NEDD4L: variants seen among roughly 807,000 people sequenced by gnomAD.
NEDD4L encodes the protein NEDD4 like E3 ubiquitin protein ligase.
Under a neutral mutation model 148.9 loss-of-function variants are expected in NEDD4L, and 54 were observed. The ratio of observed to expected loss-of-function variants is 0.36; its 90% confidence interval spans 0.29 to 0.45. The LOEUF (loss-of-function observed/expected upper bound fraction) is 0.45, where lower values mean the gene tolerates loss of function less well. Ranked by LOEUF, NEDD4L falls within the 20% of genes least tolerant of loss-of-function variation. NEDD4L has a pLI of 1.00. For synonymous variants in NEDD4L, 433 were observed against 440.7 expected (o/e 0.98, Z 0.22); for missense variants, 856 against 1,233.8 (o/e 0.69, Z 4.59).
chr18:58,184,318 C>A (rs11659445), intron 2 of NEDD4L, among the ~76,000 whole-genome samples: 199 of 150,726 alleles, frequency 1.3e-3, no homozygotes, highest in Non-Finnish European at 2.4e-3. Context: ...ACCCTCCTCT[C>A]CTGCTCTTGG....
At chr18:58,341,319 AT>A in intron 14 of NEDD4L, 150 bp downstream of exon 14, 1 of 891,452 alleles carries the variant, frequency 1.1e-6, no homozygotes, top group South Asian at 1.8e-5. Context: ...TTTAAATACA[AT>A]AATAGCCTAA....
intron 5 of NEDD4L, among the ~76,000 whole-genome samples, chr18:58,294,681 C>CTT (rs11399897): frequency 2.7e-5 from 4 of 147,178 alleles, no homozygotes; most frequent in African/African-American, 9.9e-5. Context: ...CTGTTTTTGT[C>CTT]TTTTTTTTTT....
intron 16 of NEDD4L, among the ~76,000 whole-genome samples, chr18:58,346,010 C>T (rs114811882): frequency 0.018 from 2,739 of 151,474 alleles, 88 homozygotes; most frequent in African/African-American, 0.062. Context: ...CCTGCCGCTT[C>T]GGCCTCCCAA....
At chr18:58,100,193 G>A (rs2084671015) in intron 1 of NEDD4L, among the ~76,000 whole-genome samples, 1 of 152,098 alleles carries the variant, frequency 6.6e-6, no homozygotes, top group African/African-American at 2.4e-5. Flanking sequence ...GAGTGGGGAG[G>A]AGCACTTGTC....
chr18:58,126,369 C>T (rs1406123432), intron 1 of NEDD4L, among the ~76,000 whole-genome samples: 1 of 152,222 alleles, frequency 6.6e-6, no homozygotes, highest in Non-Finnish European at 1.5e-5. Flanking sequence ...GAATATTTTG[C>T]ATAAACGGAA....
chr18:58,322,549 G>A, intron 7 of NEDD4L, 63 bp downstream of exon 7: 2 of 978,290 alleles, frequency 2.0e-6, no homozygotes, highest in East Asian at 4.0e-5. Context: ...TATAGGTGGG[G>A]ATGCCTGCCC....
chr18:58,117,402 T>C (rs1311256930), intron 1 of NEDD4L, among the ~76,000 whole-genome samples: 1 of 152,236 alleles, frequency 6.6e-6, no homozygotes, highest in Non-Finnish European at 1.5e-5. Context: ...CTTCTGTGTG[T>C]TAATCTTTAT....
At chr18:58,313,297 T>G (rs2057907980) in intron 5 of NEDD4L, among the ~76,000 whole-genome samples, 3 of 152,242 alleles carry the variant, frequency 2.0e-5, no homozygotes, top group Admixed American at 1.3e-4. Flanking sequence ...GAAAACGTGA[T>G]AAAAGGTATA....
chr18:58,317,028 T>C lies in NEDD4L; in HGVS notation c.348+996T>C, dbSNP rs144847287. 1.1e-3 allele frequency among the ~76,000 whole-genome samples: 166 copies of C among 152,300 alleles called. 2 individuals are homozygous for C. The highest frequency in any genetic ancestry group is 3.8e-3 in the African/African-American group (159 of 41,576). On this transcript the variant is annotated intron_variant, in intron 6 of 30. Transcript: ENST00000400345. ...TGTGGAAATTATGGCTGTTTCCATA[T>C]GTTAAATACCAAGTAAGCTTTGAAG... is the stretch of plus-strand genomic sequence containing the variant.
intron 1 of NEDD4L, among the ~76,000 whole-genome samples, chr18:58,156,360 T>C (rs1018430505): frequency 1.3e-5 from 2 of 152,238 alleles, no homozygotes; most frequent in Non-Finnish European, 2.9e-5. Context: ...GAAACTGTTA[T>C]GAGTAGAAAA....
chr18:58,370,953 T>TC (rs1216474500), intron 23 of NEDD4L, among the ~76,000 whole-genome samples: 1 of 152,244 alleles, frequency 6.6e-6, no homozygotes, highest in African/African-American at 2.4e-5. Context: ...TGAGACGTTC[T>TC]CCAAGTAGTG....
Position 58,336,698 on chromosome 18 carries a change from A to G in NEDD4L, c.1125+1161A>G, listed in dbSNP as rs377608525. 3.9e-5 allele frequency among the ~76,000 whole-genome samples: 6 copies of G among 152,350 alleles called. No homozygotes were observed. In the East Asian group the frequency reaches 5.8e-4, roughly 15 times the overall value. On this transcript the variant is annotated intron_variant, in intron 13 of 30. Coordinates refer to ENST00000400345, the MANE Select transcript of NEDD4L (RefSeq NM_001144967.3). ...TTTTCTAAAGATGTTGATGACTTCA[A>G]TTTAATGCTCAGCATTGTACAGAGG...
intron 1 of NEDD4L, among the ~76,000 whole-genome samples, chr18:58,117,604 G>A (rs1035274596): frequency 3.3e-5 from 5 of 152,170 alleles, no homozygotes; most frequent in East Asian, 1.9e-4. Flanking sequence ...CGTGGCTCAC[G>A]GTTACCCTGA....
intron 1 of NEDD4L, among the ~76,000 whole-genome samples, chr18:58,105,939 A>G (rs1045882238): frequency 2.6e-5 from 4 of 152,226 alleles, no homozygotes; most frequent in Admixed American, 2.0e-4. Flanking sequence ...GCTTCAGCAT[A>G]ATGAGATTCC....
chr18:58,388,153 G>A (rs1164169451), intron 27 of NEDD4L: 2 of 152,242 alleles, frequency 1.3e-5, no homozygotes, highest in Admixed American at 1.3e-4. Flanking sequence ...AAAAACAAAG[G>A]AATATCTCGC....
chr18:58,127,903 G>A (rs916509427), intron 1 of NEDD4L, among the ~76,000 whole-genome samples: 1 of 151,406 alleles, frequency 6.6e-6, no homozygotes, highest in Non-Finnish European at 1.5e-5. Context: ...TTGAGACAGA[G>A]TCCTGCTTTG....
intron 1 of NEDD4L, among the ~76,000 whole-genome samples, chr18:58,128,106 G>A (rs1246980273): frequency 6.6e-6 from 1 of 152,020 alleles, no homozygotes; most frequent in African/African-American, 2.4e-5. Context: ...GAGTGCGATG[G>A]CACGATCTCG....
At chr18:58,376,002 C>G (rs992967884) in intron 24 of NEDD4L, among the ~76,000 whole-genome samples, 3 of 151,962 alleles carry the variant, frequency 2.0e-5, no homozygotes, top group African/African-American at 4.8e-5. Flanking sequence ...AGTAAAGAAC[C>G]AAGGAAGACT....
At position 58,256,064 on chromosome 18, in the gene NEDD4L, TCCCGGGAGCCCTCGCCGAGGGACACC is replaced by T; in HGVS notation, c.297+4020_297+4045del. 1 of 1,228,748 alleles carries T rather than the reference TCCCGGGAGCCCTCGCCGAGGGACACC, an allele frequency of 8.1e-7. No individual in the cohort carries two copies. The highest frequency in any genetic ancestry group is 1.0e-6 in the Non-Finnish European group (1 of 986,112). The allele number at this position is 1,228,748 out of a possible 1,614,324, so 76.1% of individuals were successfully genotyped here. A position where few individuals can be genotyped will look rare whatever the true frequency, so the allele number is the denominator to read the frequency against. On this transcript the variant is annotated intron_variant, in intron 5 of 30. Coordinates refer to ENST00000400345, the MANE Select transcript of NEDD4L (RefSeq NM_001144967.3). This position sits in a 1 kb window ranked among gnomAD's most constrained non-coding sequence, Gnocchi z 5.2. ...CACGAGGGCCTCGCCCCAGAGTGGC[TCCCGGGAGCCCTCGCCGAGGGACACC>T]CCCGGGAGCTCCCCTCCGAGGGCAG...
Sources: allele counts gnomAD v4.1 joint callset (sites outside exome capture counted in the v4.1 genomes callset), GRCh38; gene constraint gnomAD v4.1.1; non-coding constraint Gnocchi (gnomAD v3.1); transcripts MANE v1.5; gene names NCBI Gene and HGNC (gene_info 2026-07-23, HGNC 2026-07-21).